SNTB2: variants seen among roughly 807,000 people sequenced by gnomAD.
The protein encoded by SNTB2 is beta-2-syntrophin.
A neutral mutation model predicts 46.2 loss-of-function variants in SNTB2; 34 were observed. That is an observed-to-expected ratio of 0.74 (90% CI 0.56 to 0.98). SNTB2 has a LOEUF of 0.98. SNTB2 is among the 50% of genes least tolerant of loss of function. The pLI, the probability that SNTB2 is intolerant of heterozygous loss-of-function variation, is 0.00. For synonymous variants in SNTB2, 290 were observed against 312.6 expected, an observed-to-expected ratio of 0.93 and a Z score of 0.76; for missense variants, 603 against 731.4, an observed-to-expected ratio of 0.82 and a Z score of 2.02.
intron 5 of SNTB2, among the ~76,000 whole-genome samples, chr16:69,292,890 C>A (rs1965188290): frequency 6.6e-6 from 1 of 151,918 alleles, no homozygotes; most frequent in Non-Finnish European, 1.5e-5. Context: ...TAACAACATC[C>A]CCGTGGTGTG....
At chr16:69,284,462 A>T (rs1214731013) in intron 5 of SNTB2, among the ~76,000 whole-genome samples, 1 of 51,918 alleles carries the variant, frequency 1.9e-5, no homozygotes, top group African/African-American at 2.0e-4. Flanking sequence ...TCTTTACTAA[A>T]AAAAAAAAAA....
chr16:69,236,674 C>CAA (rs1358176091), intron 1 of SNTB2, among the ~76,000 whole-genome samples: 16 of 119,408 alleles, frequency 1.3e-4, no homozygotes, highest in African/African-American at 3.9e-4. Context: ...TTTACAATTA[C>CAA]AAAAAAAAAA....
intron 1 of SNTB2, among the ~76,000 whole-genome samples, chr16:69,206,967 A>G (rs967539115): frequency 6.6e-6 from 1 of 151,606 alleles, no homozygotes; most frequent in Non-Finnish European, 1.5e-5. Context: ...GGGTTTCACC[A>G]TGTTGGCCAG....
Position 69,305,083 on chromosome 16 carries a change from G to T in SNTB2, c.*4159G>T, listed in dbSNP as rs892631701. On this transcript the variant is annotated 3_prime_UTR_variant, in exon 7 of 7. Coordinates refer to ENST00000336278, the MANE Select transcript of SNTB2 (RefSeq NM_006750.4). The stretch of plus-strand genomic sequence containing the variant: ...TTGATGGGCGAAAGTGTGAGAAAAG[G>T]TTATAATAGATTCTTTTTTTTAATT... The T allele has an allele frequency of 3.9e-5, 6 of 152,220 alleles. No individual in the cohort carries two copies. The highest frequency in any genetic ancestry group is 7.2e-5 in the African/African-American group (3 of 41,424). The allele number at this position is 152,220 out of a possible 1,614,324, so 9.4% of individuals were successfully genotyped here.
intron 5 of SNTB2, among the ~76,000 whole-genome samples, chr16:69,296,719 CAA>C (rs199809401): frequency 2.4e-4 from 22 of 90,998 alleles, no homozygotes; most frequent in Admixed American, 2.6e-4. Context: ...GACTCTGTCT[CAA>C]AAAAAAAAAA....
At chr16:69,268,292 T>C (rs1964905735) in intron 3 of SNTB2, among the ~76,000 whole-genome samples, 2 of 151,996 alleles carry the variant, frequency 1.3e-5, no homozygotes, top group Non-Finnish European at 2.9e-5. Context: ...GGTGAAACGC[T>C]GTCTTTACTA....
At chr16:69,257,665 T>A (rs1361663548) in intron 2 of SNTB2, among the ~76,000 whole-genome samples, 4 of 152,170 alleles carry the variant, frequency 2.6e-5, no homozygotes, top group African/African-American at 9.7e-5. Context: ...CAGGATGGTT[T>A]CGATCTGCTG....
intron 1 of SNTB2, among the ~76,000 whole-genome samples, chr16:69,189,721 G>C (rs1007083447): frequency 6.6e-6 from 1 of 152,208 alleles, no homozygotes; most frequent in Admixed American, 6.5e-5. Context: ...TGGATGCCCA[G>C]CCTGGATGAC....
intron 2 of SNTB2, among the ~76,000 whole-genome samples, chr16:69,258,319 T>C (rs17624400): frequency 0.05 from 7,614 of 152,276 alleles, 262 homozygotes; most frequent in Non-Finnish European, 0.071. Context: ...TATTTGACTT[T>C]TAAAATTCAT....
At chr16:69,203,621 G>A (rs556042057) in intron 1 of SNTB2, among the ~76,000 whole-genome samples, 5 of 152,072 alleles carry the variant, frequency 3.3e-5, no homozygotes, top group African/African-American at 1.2e-4. Context: ...ATTACAGACT[G>A]AGCCACTGTG....
intron 1 of SNTB2, among the ~76,000 whole-genome samples, chr16:69,203,026 C>CT (rs902675172): frequency 1.2e-4 from 18 of 150,004 alleles, no homozygotes; most frequent in East Asian, 4.0e-4. Flanking sequence ...AGCCTGTTTT[C>CT]TTTTTTTTTG....
chr16:69,221,972 C>T (rs1249264124), intron 1 of SNTB2, among the ~76,000 whole-genome samples: 2 of 152,284 alleles, frequency 1.3e-5, no homozygotes, highest in South Asian at 2.1e-4. Flanking sequence ...TGCAAAATAG[C>T]ACAAAGCTTG....
chr16:69,300,922 T>C lies in SNTB2; in HGVS notation c.1621T>C (p.Ter541ArgextTer42). 1.3e-6 allele frequency: 2 copies of C among 1,597,922 alleles called. No individual in the cohort carries two copies. The highest frequency in any genetic ancestry group is 1.7e-6 in the Non-Finnish European group (2 of 1,166,384). The change falls in exon 7 of 7, where the codon TGA becomes CGA. Residue 541 changes from the stop codon to arginine (R), a stop_lost. Coordinates refer to ENST00000336278, the MANE Select transcript of SNTB2 (RefSeq NM_006750.4). ...AKVTRMGLLV* is the reference protein window; with the variant it reads ...AKVTRMGLLVR ...AGTCACTCGTATGGGACTGCTTGTA[T>C]GAGCAACAAAAAATCAGAAAAGAGC...
intron 3 of SNTB2, among the ~76,000 whole-genome samples, chr16:69,265,020 C>T (rs111776280): frequency 0.14 from 21,387 of 152,064 alleles, 1,622 homozygotes; most frequent in Middle Eastern, 0.23. Flanking sequence ...GAGGCCGAGG[C>T]GGGTGGATCA....
chr16:69,283,610 G>A (rs1965071411), intron 4 of SNTB2, among the ~76,000 whole-genome samples: 1 of 152,120 alleles, frequency 6.6e-6, no homozygotes, highest in African/African-American at 2.4e-5. Flanking sequence ...TTTTCTTACA[G>A]AAGCATATTT....
chr16:69,208,008 C>T (rs1200805416), intron 1 of SNTB2, among the ~76,000 whole-genome samples: 2 of 142,964 alleles, frequency 1.4e-5, no homozygotes, highest in Non-Finnish European at 3.2e-5. Context: ...ACTTGGGAGG[C>T]TGAGATGGGA....
chr16:69,286,543 G>A (rs1965103925), intron 5 of SNTB2, among the ~76,000 whole-genome samples: 1 of 152,152 alleles, frequency 6.6e-6, no homozygotes, highest in African/African-American at 2.4e-5. Context: ...AATTTAGCTG[G>A]GAGTGGTGAC....
rs199771931 is a variant in SNTB2 at position 69,271,613 on chromosome 16, A to G, written c.1148+1328A>G. Among the ~76,000 whole-genome samples the G allele has an allele frequency of 7.2e-5, 11 of 152,302 alleles. No individual in the cohort carries two copies. The East Asian group carries it at 2.1e-3, about 29-fold the overall frequency. On this transcript the variant is annotated intron_variant, in intron 4 of 6. Coordinates refer to ENST00000336278, the MANE Select transcript of SNTB2 (RefSeq NM_006750.4). ...AGTAATCCTACAAAAATATGTAACC[A>G]TGTCTTAGTAATTATAATTAGAACA...
chr16:69,290,569 ATTATC>A (rs1173358511), intron 5 of SNTB2, among the ~76,000 whole-genome samples: 4 of 151,120 alleles, frequency 2.6e-5, no homozygotes, highest in Admixed American at 6.6e-5. Context: ...TTTCTTAGAA[ATTATC>A]TTGAGTCCTT....
Sources: allele counts gnomAD v4.1 joint callset (sites outside exome capture counted in the v4.1 genomes callset), GRCh38; gene constraint gnomAD v4.1.1; transcripts MANE v1.5; gene names NCBI Gene and HGNC (gene_info 2026-07-23, HGNC 2026-07-21).